RAB27B: variants seen among roughly 807,000 people sequenced by gnomAD.
RAB27B encodes the protein ras-related protein Rab-27B.
RAB27B carries 15 observed loss-of-function variants against 24.6 expected under a neutral mutation model. The observed-to-expected ratio is 0.61, with a 90% CI of 0.41 to 0.94. RAB27B has a LOEUF of 0.94. Ranked by LOEUF, RAB27B falls within the 40% of genes least tolerant of loss-of-function variation. The probability of loss-of-function intolerance (pLI) is 0.00; values close to 1 mark genes in which losing one functional copy is unlikely to be tolerated. For synonymous variants in RAB27B, 105 were observed against 92.5 expected, an observed-to-expected ratio of 1.14 and a Z score of -0.78; for missense variants, 261 against 266.8, an observed-to-expected ratio of 0.98 and a Z score of 0.15.
chr18:54,872,983 G>A (rs1912538010), intron 1 of RAB27B, among the ~76,000 whole-genome samples: 1 of 152,228 alleles, frequency 6.6e-6, no homozygotes, highest in Non-Finnish European at 1.5e-5. Flanking sequence ...GAGAGATAGA[G>A]TGGGGAAGAG....
chr18:54,763,031 T>G (rs557352143), intron 2 of RAB27B, among the ~76,000 whole-genome samples: 2 of 152,344 alleles, frequency 1.3e-5, no homozygotes, highest in Non-Finnish European at 2.9e-5. Context: ...ATCAAATATT[T>G]ATTGAGTCTC....
intron 2 of RAB27B, among the ~76,000 whole-genome samples, chr18:54,766,093 T>G (rs900732129): frequency 6.6e-6 from 1 of 152,182 alleles, no homozygotes. Context: ...ACGTCCAGAA[T>G]TGCCTGAGAA....
At chr18:54,782,151 G>C (rs978933083) in intron 2 of RAB27B, among the ~76,000 whole-genome samples, 1 of 152,196 alleles carries the variant, frequency 6.6e-6, no homozygotes, top group Non-Finnish European at 1.5e-5. Context: ...ATTAATTACT[G>C]TTGGAATTCA....
intron 4 of RAB27B, among the ~76,000 whole-genome samples, chr18:54,887,749 T>C (rs756142985): frequency 2.0e-5 from 3 of 152,056 alleles, no homozygotes; most frequent in Non-Finnish European, 4.4e-5. Context: ...TTACTAAATG[T>C]TGGGTATTGA....
chr18:54,817,533 C>T (rs1003819351), intron 2 of RAB27B, among the ~76,000 whole-genome samples: 5 of 152,006 alleles, frequency 3.3e-5, no homozygotes, highest in East Asian at 1.9e-4. Flanking sequence ...ATGGCTTTGT[C>T]GGAAATCTGG....
chr18:54,817,941 G>A (rs577687086), intron 2 of RAB27B, among the ~76,000 whole-genome samples: 2 of 152,182 alleles, frequency 1.3e-5, no homozygotes, highest in Non-Finnish European at 2.9e-5. Flanking sequence ...TCTGTAGGAA[G>A]GGAGGAAACG....
chr18:54,827,100 T>C (rs933015633), upstream of RAB27B, among the ~76,000 whole-genome samples: 1 of 152,228 alleles, frequency 6.6e-6, no homozygotes, highest in African/African-American at 2.4e-5. Context: ...TAGATATTGC[T>C]GTTAAATGCA....
Position 54,841,161 on chromosome 18 carries a change from G to GA in RAB27B, c.-20+12461_-20+12462insA, listed in dbSNP as rs1911100088. Among the ~76,000 whole-genome samples the GA allele has an allele frequency of 2.4e-5, 3 of 124,870 alleles. 1 individual carries two copies. The highest frequency in any genetic ancestry group is 5.3e-5 in the Non-Finnish European group (3 of 56,628). The allele number at this position is 124,870 out of a possible 152,430, so 81.9% of individuals were successfully genotyped here. ...GACTCTGTCTTTGGGTGGCGGGGCG[G>GA]TGGGGGGTTTGGTGAGAGGGGCGGG... On this transcript the variant is annotated intron_variant, in intron 1 of 5. Transcript: ENST00000262094.
At chr18:54,844,760 A>G (rs1388055062) in intron 1 of RAB27B, among the ~76,000 whole-genome samples, 4 of 152,122 alleles carry the variant, frequency 2.6e-5, no homozygotes, top group East Asian at 1.9e-4. Flanking sequence ...AGAATCTACT[A>G]TGTTGCAGCA....
intron 1 of RAB27B, among the ~76,000 whole-genome samples, chr18:54,855,516 T>A (rs11664456): frequency 0.23 from 34,948 of 152,164 alleles, 4,105 homozygotes; most frequent in South Asian, 0.38. Flanking sequence ...AAGTAAGCAT[T>A]TGAGCCAATG....
At chr18:54,767,300 A>G (rs1343166304) in intron 2 of RAB27B, among the ~76,000 whole-genome samples, 2 of 152,172 alleles carry the variant, frequency 1.3e-5, no homozygotes, top group African/African-American at 4.8e-5. Context: ...CTGTTTACCC[A>G]GTGGCTCATG....
chr18:54,803,805 G>A (rs543141333), intron 2 of RAB27B, among the ~76,000 whole-genome samples: 130 of 152,274 alleles, frequency 8.5e-4, no homozygotes, highest in Non-Finnish European at 1.4e-3. Flanking sequence ...CACTCACTGG[G>A]TTGATGATAA....
At chr18:54,749,512 G>A (rs1014476568) in intron 2 of RAB27B, among the ~76,000 whole-genome samples, 6 of 152,084 alleles carry the variant, frequency 3.9e-5, no homozygotes, top group African/African-American at 1.2e-4. Context: ...AACTCCTTAC[G>A]ACAGGTGCCA....
rs139316726 is a variant in RAB27B, at chr18:54,778,986, C to T, written c.-20+60845C>T. On this transcript the variant is annotated intron_variant, in intron 2 of 4. Coordinates refer to the RAB27B transcript ENST00000586570. ...TCCTGAGTAGCTGGGACTACAGGTG[C>T]GCACCACCACACCCAGCTAATTTTT... Among the ~76,000 whole-genome samples, 30 of 152,062 alleles carry T rather than the reference C, an allele frequency of 2.0e-4. No homozygotes were observed. In the East Asian group the frequency reaches 3.3e-3, roughly 17 times the overall value.
rs1913497453 is a variant in RAB27B at position 54,894,606 on chromosome 18, G to A, written c.*5193G>A. ...GAAAGTGGCCAGAAAGAACAACTTGGGACCATGAGTAGGTCATTAAATAGC... is the reference window on the plus strand; with the variant it reads ...GAAAGTGGCCAGAAAGAACAACTTGAGACCATGAGTAGGTCATTAAATAGC... On this transcript the variant is annotated 3_prime_UTR_variant, in exon 6 of 6. Coordinates refer to ENST00000262094, the MANE Select transcript of RAB27B (RefSeq NM_004163.4). The A allele has an allele frequency of 6.6e-6, 1 of 151,992 alleles. No individual in the cohort carries two copies. Among genetic ancestry groups the A allele is most frequent in the South Asian group, 2.1e-4 (1 of 4,816 alleles). The allele number at this position is 151,992 out of a possible 1,614,324, so 9.4% of individuals were successfully genotyped here.
intron 2 of RAB27B, among the ~76,000 whole-genome samples, chr18:54,782,204 G>A (rs1908939570): frequency 6.6e-6 from 1 of 152,128 alleles, no homozygotes; most frequent in South Asian, 2.1e-4. Context: ...TTGTTATTCT[G>A]ACATCCACAA....
intron 1 of RAB27B, among the ~76,000 whole-genome samples, chr18:54,863,504 C>A (rs1912088044): frequency 6.6e-6 from 1 of 152,106 alleles, no homozygotes; most frequent in African/African-American, 2.4e-5. Flanking sequence ...TTTTTAATAA[C>A]AGCTTTATTG....
rs1007279530 is a variant in RAB27B at position 54,853,819 on chromosome 18, C to A, written c.-19-23748C>A. On this transcript the variant is annotated intron_variant, in intron 1 of 5. Transcript: ENST00000262094. The stretch of plus-strand genomic sequence containing the variant: ...AAAATTCCTTTTTTTCCAGCCTAGA[C>A]CTTTCATTATCTCACATCTAATGTT... 2.6e-5 allele frequency among the ~76,000 whole-genome samples: 4 copies of A among 152,060 alleles called. No individual in the cohort carries two copies. The East Asian group carries it at 7.7e-4, about 29-fold the overall frequency.
At chr18:54,857,122 G>A (rs775837005) in intron 1 of RAB27B, among the ~76,000 whole-genome samples, 1 of 152,148 alleles carries the variant, frequency 6.6e-6, no homozygotes, top group African/African-American at 2.4e-5. Flanking sequence ...ACGATATACA[G>A]TTCCCAGGAA....
Sources: allele counts gnomAD v4.1 joint callset (sites outside exome capture counted in the v4.1 genomes callset), GRCh38; gene constraint gnomAD v4.1.1; transcripts MANE v1.5; gene names NCBI Gene and HGNC (gene_info 2026-07-23, HGNC 2026-07-21).